The following MRPL45 variants were observed in gnomAD, a reference collection of about 807,000 sequenced individuals.
MRPL45 encodes large ribosomal subunit protein mL45.
A neutral mutation model predicts 38.1 loss-of-function variants in MRPL45; 20 were observed. The observed-to-expected ratio is 0.53, with a 90% CI of 0.37 to 0.76. The LOEUF (loss-of-function observed/expected upper bound fraction) is 0.76. MRPL45 is among the 30% of genes least tolerant of loss of function. The pLI is 0.00. For missense variants in MRPL45, 337 were observed against 395.6 expected (o/e 0.85, Z 1.26); for synonymous variants, 105 against 128.8 (o/e 0.82, Z 1.25).
At chr17:38,316,095 TTTTCTATCCA>T (rs1156954717) in intron 4 of MRPL45, among the ~76,000 whole-genome samples, 1 of 152,126 alleles carries the variant, frequency 6.6e-6, no homozygotes, top group Non-Finnish European at 1.5e-5. Flanking sequence ...TTCAAATTTT[TTTTCTATCCA>T]TTTCTTTCTT....
chr17:38,300,836 C>T (rs2036987424), intron 3 of MRPL45, among the ~76,000 whole-genome samples: 1 of 152,136 alleles, frequency 6.6e-6, no homozygotes, highest in Non-Finnish European at 1.5e-5. Flanking sequence ...ATCCCAGCTA[C>T]TCAGGAGGCT....
chr17:38,313,060 C>G (rs2037128636), intron 4 of MRPL45, among the ~76,000 whole-genome samples: 1 of 144,746 alleles, frequency 6.9e-6, no homozygotes, highest in Non-Finnish European at 1.5e-5. Context: ...TCTTGGCTCA[C>G]TGCAAGCTCC....
intron 3 of MRPL45, among the ~76,000 whole-genome samples, chr17:38,304,359 C>A (rs2037029613): frequency 6.6e-6 from 1 of 152,080 alleles, no homozygotes; most frequent in African/African-American, 2.4e-5. Flanking sequence ...ACCTGCAGTT[C>A]CAGTTACTTG....
intron 3 of MRPL45, among the ~76,000 whole-genome samples, chr17:38,302,673 A>T (rs555240918): frequency 7.9e-5 from 12 of 151,776 alleles, no homozygotes; most frequent in African/African-American, 2.9e-4. Context: ...TGATCATGTG[A>T]TACTTGTTCT....
intron 3 of MRPL45, among the ~76,000 whole-genome samples, chr17:38,302,277 G>A (rs1296190519): frequency 5.3e-5 from 8 of 151,462 alleles, no homozygotes; most frequent in Non-Finnish European, 7.4e-5. Flanking sequence ...CTGAGAGGTC[G>A]GGAGTTCGAG....
At chr17:38,320,853 A>T in intron 6 of MRPL45, 86 bp downstream of exon 6, 1 of 1,325,086 alleles carries the variant, frequency 7.5e-7, no homozygotes, top group Non-Finnish European at 1.1e-6. Context: ...ATGGTTGCCC[A>T]GGACTGTAGA....
intron 5 of MRPL45, among the ~76,000 whole-genome samples, chr17:38,319,267 C>G (rs1406843194): frequency 2.0e-5 from 3 of 151,960 alleles, no homozygotes; most frequent in Non-Finnish European, 4.4e-5. Context: ...GATCTTCTGA[C>G]CTCGTGATCC....
At chr17:38,311,603 T>G (rs577948002) in intron 4 of MRPL45, among the ~76,000 whole-genome samples, 135 of 151,202 alleles carry the variant, frequency 8.9e-4, no homozygotes, top group Non-Finnish European at 1.4e-3. Flanking sequence ...AGAGAATTGC[T>G]TGAACCCAGG....
At position 38,309,546 on chromosome 17, in the gene MRPL45, T is replaced by G. The variant is rs138781541; in HGVS notation, c.461+2915T>G. Among the ~76,000 whole-genome samples the G allele has an allele frequency of 2.8e-3, 419 of 151,686 alleles. 4 individuals carry two copies. Among genetic ancestry groups the G allele is most frequent in the African/African-American group, 9.7e-3 (403 of 41,418 alleles). On this transcript the variant is annotated intron_variant, in intron 4 of 7. Coordinates refer to ENST00000613675, the MANE Select transcript of MRPL45 (RefSeq NM_032351.6). ...CAGAAAAAAAAAAAAAAAAAAGATT[T>G]TTTTTCTTTCTTTTTAGTATTCAGC...
intron 6 of MRPL45, among the ~76,000 whole-genome samples, chr17:38,321,164 C>A (rs2144241916): frequency 6.6e-6 from 1 of 152,166 alleles, no homozygotes; most frequent in East Asian, 1.9e-4. Context: ...TTTGTAGAGA[C>A]CAGTCTTGTC....
rs369593896 is a variant in MRPL45 at position 38,322,620 on chromosome 17, A to C, written c.*25A>C. The C allele has an allele frequency of 5.1e-6, 8 of 1,581,754 alleles. No homozygotes were observed. In the East Asian group the frequency reaches 1.8e-4, roughly 35 times the overall value. On this transcript the variant is annotated 3_prime_UTR_variant, in exon 8 of 8. Coordinates refer to ENST00000613675, the MANE Select transcript of MRPL45 (RefSeq NM_032351.6). ...ATGACAAAAATGACTTCTAGGGTGA[A>C]GCCTGGGTGATGAGGCTGCTGGAAG...
In MRPL45 at chr17:38,321,847, G is replaced by A. The variant is rs569225506; in HGVS notation, c.661-279G>A. On this transcript the variant is annotated intron_variant, in intron 6 of 7. Transcript: ENST00000613675. Reference sequence around the variant, plus strand: ...GGAGTTGGACAGCTGGGTCAACATGGTGACACCCCATCTCTACTAAAAAAG... The same window carrying A: ...GGAGTTGGACAGCTGGGTCAACATGATGACACCCCATCTCTACTAAAAAAG... Among the ~76,000 whole-genome samples, 6 of 151,986 alleles carry A rather than the reference G, an allele frequency of 3.9e-5. No homozygotes were observed. The South Asian group carries it at 1.2e-3, about 32-fold the overall frequency.
chr17:38,298,141 A>G (rs1191195373), intron 1 of MRPL45, among the ~76,000 whole-genome samples: 2 of 152,154 alleles, frequency 1.3e-5, no homozygotes, highest in African/African-American at 4.8e-5. Flanking sequence ...GTGTTTCCCC[A>G]TCACCATCAG....
At chr17:38,307,327 C>T (rs62073361) in intron 4 of MRPL45, among the ~76,000 whole-genome samples, 4 of 150,768 alleles carry the variant, frequency 2.7e-5, no homozygotes, top group East Asian at 2.0e-4. Context: ...TGAGCCACCA[C>T]GCCCGGCCCC....
chr17:38,311,413 TGTG>T (rs1409666435), intron 4 of MRPL45, among the ~76,000 whole-genome samples: 1 of 151,618 alleles, frequency 6.6e-6, no homozygotes, highest in African/African-American at 2.4e-5. Flanking sequence ...GGGATCCAGG[TGTG>T]GTGGTTCACG....
chr17:38,318,822 C>CTTTTTTTTTTTTT (rs1454412319), intron 5 of MRPL45, 87 bp downstream of exon 5: 1 of 500,862 alleles, frequency 2.0e-6, no homozygotes, highest in African/African-American at 2.6e-5. Context: ...CTTTTCTTTT[C>CTTTTTTTTTTTTT]TTTTCTTTTT....
chr17:38,299,684 A>G (rs1031626303), intron 3 of MRPL45, among the ~76,000 whole-genome samples: 2 of 150,906 alleles, frequency 1.3e-5, no homozygotes, highest in Admixed American at 1.3e-4. Context: ...TTTTTGTCAT[A>G]TCAGTTAGGG....
At chr17:38,314,103 T>TTTA (rs1318404077) in intron 4 of MRPL45, among the ~76,000 whole-genome samples, 1 of 152,200 alleles carries the variant, frequency 6.6e-6, no homozygotes, top group Non-Finnish European at 1.5e-5. Flanking sequence ...TTTTCACTCT[T>TTTA]TTATTATTAT....
chr17:38,318,209 A>G (rs1276633016), intron 4 of MRPL45, among the ~76,000 whole-genome samples: 1 of 145,544 alleles, frequency 6.9e-6, no homozygotes, highest in Non-Finnish European at 1.5e-5. Context: ...TCTGTCTCAA[A>G]AAAAAAAAAA....
Sources: gnomAD v4.1 joint callset for allele counts (sites outside exome capture counted in the v4.1 genomes callset) on GRCh38, gnomAD v4.1.1 for gene constraint, MANE v1.5 for transcripts, NCBI Gene and HGNC (gene_info 2026-07-23, HGNC 2026-07-21) for gene names.